The following NBAS variants were observed in gnomAD, a reference collection of about 807,000 sequenced individuals.
The protein encoded by NBAS is NBAS subunit of NRZ tethering complex.
NBAS carries 219 observed loss-of-function variants against 302.5 expected under a neutral mutation model. The observed-to-expected ratio is 0.72, with a 90% CI of 0.65 to 0.81. The LOEUF (loss-of-function observed/expected upper bound fraction) is 0.81. Ranked by LOEUF, NBAS falls within the 30% of genes least tolerant of loss-of-function variation. NBAS has a pLI of 0.00. For missense variants in NBAS, 2,932 were observed against 2,841.6 expected, an observed-to-expected ratio of 1.03 and a Z score of -0.72; for synonymous variants, 1,118 against 1,021.6, an observed-to-expected ratio of 1.09 and a Z score of -1.80.
chr2:14,952,756 G>A, the NBAS span, among the ~76,000 whole-genome samples: 1 of 152,248 alleles, frequency 6.6e-6, no homozygotes, highest in Non-Finnish European at 1.5e-5. Flanking sequence ...CAGAGCGCCT[G>A]ACAGGGTGTT....
At chr2:15,549,792 A>C (rs1484734302) in intron 6 of NBAS, among the ~76,000 whole-genome samples, 5 of 152,078 alleles carry the variant, frequency 3.3e-5, no homozygotes, top group Admixed American at 1.3e-4. Flanking sequence ...GGGCTTGGTA[A>C]AATTAAGTTA....
chr2:14,786,530 C>A, the NBAS span, among the ~76,000 whole-genome samples: 1 of 151,934 alleles, frequency 6.6e-6, no homozygotes, highest in African/African-American at 2.4e-5. Context: ...TGTCTTTGTT[C>A]TCGTTGGTTT....
the NBAS span, among the ~76,000 whole-genome samples, chr2:14,961,175 G>T: frequency 1.3e-5 from 2 of 152,160 alleles, no homozygotes; most frequent in African/African-American, 4.8e-5. Context: ...ATAAAAACTT[G>T]CAGCTCTCAG....
At chr2:15,186,008 C>T (rs1490375854) in intron 50 of NBAS, among the ~76,000 whole-genome samples, 1 of 151,780 alleles carries the variant, frequency 6.6e-6, no homozygotes. Flanking sequence ...AGGTGGGATC[C>T]ACAGCAGGGA....
At chr2:15,072,680 T>A in the NBAS span, among the ~76,000 whole-genome samples, 92 of 152,294 alleles carry the variant, frequency 6.0e-4, no homozygotes, top group East Asian at 0.012. Context: ...AAATAATAAA[T>A]ATACTGGGAG....
In NBAS at chr2:15,551,534, G is replaced by A. The variant is rs776539581; in HGVS notation, c.338C>T (p.Ser113Phe). Residue 113 changes from serine to phenylalanine, a missense_variant and splice_region_variant, in exon 6 of 52, where the codon TCT (serine) becomes TTT (phenylalanine). Ser to Phe is a radical substitution (Grantham distance 155). Transcript: ENST00000281513. ...AATGGATGTAAAATCATCTTTTGCA[G>A]ACCTGTAAAACATGCAAAATCAAGG... ...AVQDQCVEIRSAKDDFTSIIG... is the reference protein window; with the variant it reads ...AVQDQCVEIRFAKDDFTSIIG... 2 of 1,608,418 alleles carry A rather than the reference G, an allele frequency of 1.2e-6. No individual in the cohort carries two copies. Among genetic ancestry groups the A allele is most frequent in the Non-Finnish European group, 1.7e-6 (2 of 1,176,530 alleles).
chr2:15,334,945 C>T (rs1394540522), intron 35 of NBAS, among the ~76,000 whole-genome samples: 2 of 152,214 alleles, frequency 1.3e-5, no homozygotes, highest in African/African-American at 4.8e-5. Context: ...TGACTTGCAG[C>T]AGCATAAATT....
intron 21 of NBAS, among the ~76,000 whole-genome samples, chr2:15,439,209 A>G (rs1389559579): frequency 1.3e-5 from 2 of 151,696 alleles, no homozygotes; most frequent in Non-Finnish European, 2.9e-5. Context: ...AGGCTGAGGC[A>G]GGAGAATGGC....
chr2:15,047,329 C>T, the NBAS span, among the ~76,000 whole-genome samples: 1 of 152,246 alleles, frequency 6.6e-6, no homozygotes, highest in African/African-American at 2.4e-5. Flanking sequence ...TTGGCTGAGG[C>T]AAACCAAGTG....
chr2:14,792,678 A>T, the NBAS span, among the ~76,000 whole-genome samples: 3 of 152,152 alleles, frequency 2.0e-5, no homozygotes, highest in Admixed American at 2.0e-4. Context: ...TGGAAATTAA[A>T]AAAAAAAATC....
chr2:14,927,311 G>A, the NBAS span, among the ~76,000 whole-genome samples: 3 of 152,154 alleles, frequency 2.0e-5, no homozygotes, highest in Non-Finnish European at 4.4e-5. Flanking sequence ...CTAATCCAAA[G>A]TACACTCATA....
At chr2:14,903,943 G>T in the NBAS span, among the ~76,000 whole-genome samples, 3 of 152,192 alleles carry the variant, frequency 2.0e-5, no homozygotes, top group Non-Finnish European at 2.9e-5. Flanking sequence ...CCCAGGAGAA[G>T]TGCCGGTTAC....
chr2:14,874,745 A>G, the NBAS span, among the ~76,000 whole-genome samples: 1 of 146,152 alleles, frequency 6.8e-6, no homozygotes, highest in Non-Finnish European at 1.5e-5. Context: ...CATAGATGTA[A>G]AAATTCTTAC....
the NBAS span, among the ~76,000 whole-genome samples, chr2:15,133,266 C>T: frequency 0.018 from 2,676 of 151,112 alleles, 69 homozygotes; most frequent in African/African-American, 0.062. Context: ...GACTCCTAGA[C>T]GTACACATGA....
chr2:15,311,036 A>C (rs1464171888), intron 38 of NBAS, among the ~76,000 whole-genome samples: 3 of 152,196 alleles, frequency 2.0e-5, no homozygotes. Flanking sequence ...CAGGTCCCCA[A>C]CTGATTGACT....
At chr2:15,034,235 G>GATA in the NBAS span, among the ~76,000 whole-genome samples, 1 of 81,636 alleles carries the variant, frequency 1.2e-5, no homozygotes, top group Non-Finnish European at 2.6e-5. Flanking sequence ...AAAGAAAGAA[G>GATA]GAAAGAAAGA....
intron 13 of NBAS, 46 bp downstream of exon 13, chr2:15,478,180 A>G (rs763049460): frequency 8.1e-7 from 1 of 1,229,858 alleles, no homozygotes; most frequent in East Asian, 2.3e-5. Context: ...TTGTATAATA[A>G]TAGGAGTATA....
At chr2:15,540,077 A>G (rs1663728953) in intron 6 of NBAS, among the ~76,000 whole-genome samples, 1 of 152,210 alleles carries the variant, frequency 6.6e-6, no homozygotes, top group African/African-American at 2.4e-5. Flanking sequence ...GTGAAACTCT[A>G]TGTTAGATTT....
At chr2:15,339,735 C>T (rs1033659228) in intron 35 of NBAS, among the ~76,000 whole-genome samples, 2 of 151,952 alleles carry the variant, frequency 1.3e-5, no homozygotes, top group African/African-American at 2.4e-5. Flanking sequence ...TGGGTGAGAA[C>T]ACCATAATAA....
Sources: allele counts gnomAD v4.1 joint callset (sites outside exome capture counted in the v4.1 genomes callset), GRCh38; gene constraint gnomAD v4.1.1; transcripts MANE v1.5; gene names NCBI Gene and HGNC (gene_info 2026-07-23, HGNC 2026-07-21).